Variants in PTPRG observed in about 807,000 individuals in gnomAD.
PTPRG encodes the protein receptor-type tyrosine-protein phosphatase gamma.
PTPRG carries 102 observed loss-of-function variants against 165.3 expected under a neutral mutation model. The ratio of observed to expected loss-of-function variants is 0.62; its 90% CI spans 0.53 to 0.73. The LOEUF is 0.73. Among genes scored for constraint, PTPRG ranks in the 30% least tolerant of loss-of-function variants. The probability of loss-of-function intolerance (pLI) is 0.00; values close to 1 mark genes in which losing one functional copy is unlikely to be tolerated. For missense variants in PTPRG, 1,866 were observed against 1,861.4 expected (o/e 1.00, Z -0.05); for synonymous variants, 675 against 669.5 (o/e 1.01, Z -0.13).
intron 5 of PTPRG, among the ~76,000 whole-genome samples, chr3:62,081,467 C>A (rs886560): frequency 6.6e-6 from 1 of 151,544 alleles, no homozygotes. Context: ...CAACAGCCTC[C>A]TGAGTAGCCG....
At chr3:62,000,609 T>C (rs916055720) in intron 3 of PTPRG, among the ~76,000 whole-genome samples, 1 of 152,204 alleles carries the variant, frequency 6.6e-6, no homozygotes, top group Non-Finnish European at 1.5e-5. Flanking sequence ...CAGAGGTAGA[T>C]GCCATCTCAA....
At chr3:62,000,569 C>A (rs59213435) in intron 3 of PTPRG, among the ~76,000 whole-genome samples, 1 of 152,112 alleles carries the variant, frequency 6.6e-6, no homozygotes, top group African/African-American at 2.4e-5. Flanking sequence ...TCTTGAGAAG[C>A]CTTCTCACTT....
At chr3:61,990,764 T>C (rs2040865912) in intron 3 of PTPRG, among the ~76,000 whole-genome samples, 2 of 152,186 alleles carry the variant, frequency 1.3e-5, no homozygotes, top group South Asian at 2.1e-4. Context: ...GAACCCTTTG[T>C]AACCAAGGAT....
chr3:61,796,017 A>G (rs537728644), intron 2 of PTPRG, among the ~76,000 whole-genome samples: 4 of 152,296 alleles, frequency 2.6e-5, no homozygotes, highest in African/African-American at 9.6e-5. Flanking sequence ...GCAGGGAGAA[A>G]TTTGTAGCTC....
At chr3:61,967,252 G>T (rs2040291633) in intron 2 of PTPRG, among the ~76,000 whole-genome samples, 1 of 152,126 alleles carries the variant, frequency 6.6e-6, no homozygotes, top group African/African-American at 2.4e-5. Context: ...TGGGAGATGG[G>T]TCTGTCAGTG....
At chr3:62,282,669 T>TAGATTGTAGATATGTGAA (rs1702498192) in intron 27 of PTPRG, 58 bp from the exon 28 acceptor site, 1 of 1,528,404 alleles carries the variant, frequency 6.5e-7, no homozygotes, top group Non-Finnish European at 8.8e-7. Flanking sequence ...TTCTAGTCAT[T>TAGATTGTAGATATGTGAA]AGATTGTAGA....
At position 62,026,714 on chromosome 3, in the gene PTPRG, G is replaced by A. The variant is rs539775815; in HGVS notation, c.519+23217G>A. Reference sequence around the variant, plus strand: ...ATCCTGGCTAACACGGTGAAACCCCGTCCCTACTAAAAATACAGAAAATTA... The same window carrying A: ...ATCCTGGCTAACACGGTGAAACCCCATCCCTACTAAAAATACAGAAAATTA... On this transcript the variant is annotated intron_variant, in intron 4 of 29. Coordinates refer to ENST00000474889, the MANE Select transcript of PTPRG (RefSeq NM_002841.4). Among the ~76,000 whole-genome samples the A allele has an allele frequency of 1.8e-4, 27 of 151,860 alleles. No homozygotes were observed. The South Asian group carries it at 5.2e-3, about 29-fold the overall frequency.
At chr3:61,669,159 G>T (rs1339688371) in intron 1 of PTPRG, among the ~76,000 whole-genome samples, 1 of 152,174 alleles carries the variant, frequency 6.6e-6, no homozygotes. Context: ...TTTGATTTTT[G>T]CTTGAGAGTG....
intron 10 of PTPRG, among the ~76,000 whole-genome samples, chr3:62,200,504 CATG>C (rs1357927954): frequency 6.6e-6 from 1 of 151,996 alleles, no homozygotes; most frequent in African/African-American, 2.4e-5. Context: ...CTCCTGACCT[CATG>C]ATCCACCTGC....
chr3:61,899,626 C>T (rs894485387), intron 2 of PTPRG, among the ~76,000 whole-genome samples: 6 of 152,172 alleles, frequency 3.9e-5, no homozygotes, highest in East Asian at 1.9e-4. Context: ...AGGAATGGGT[C>T]CCAAACCACA....
rs1227717081 is a variant in PTPRG at position 62,218,904 on chromosome 3, T to C, written c.2209T>C (p.Trp737Arg). Residue 737 changes from tryptophan to arginine, a missense_variant, in exon 13 of 30, where the codon TGG (tryptophan) becomes CGG (arginine). Coordinates refer to ENST00000474889, the MANE Select transcript of PTPRG (RefSeq NM_002841.4). The part of the protein sequence containing the change: ...ISRPAPGRME[W>R]IIPLIVVSAL... ...CCGCCCTGCTCCAGGGAGGATGGAG[T>C]GGATCATCCCTCTGATTGTGGTATC... 2 of 1,613,814 alleles carry C rather than the reference T, an allele frequency of 1.2e-6. No individual in the cohort carries two copies. Among genetic ancestry groups the C allele is most frequent in the South Asian group, 2.2e-5 (2 of 91,050 alleles).
chr3:62,067,704 G>C (rs778763714), intron 4 of PTPRG, among the ~76,000 whole-genome samples: 2 of 152,094 alleles, frequency 1.3e-5, no homozygotes, highest in African/African-American at 4.8e-5. Flanking sequence ...TGCATGCGCA[G>C]TTCATAATAG....
At chr3:61,900,038 A>T (rs181723271) in intron 2 of PTPRG, among the ~76,000 whole-genome samples, 7 of 152,182 alleles carry the variant, frequency 4.6e-5, no homozygotes, top group East Asian at 1.9e-4. Context: ...TCTGTTTTTT[A>T]AAAAATGTAA....
chr3:62,018,512 C>G (rs2041606106), intron 4 of PTPRG, among the ~76,000 whole-genome samples: 1 of 152,182 alleles, frequency 6.6e-6, no homozygotes, highest in East Asian at 1.9e-4. Context: ...GTTGGCCAAT[C>G]CTCTAAATGA....
chr3:62,186,553 A>AT (rs957687366), intron 8 of PTPRG, among the ~76,000 whole-genome samples: 6 of 114,880 alleles, frequency 5.2e-5, no homozygotes, highest in Admixed American at 4.9e-4. Flanking sequence ...TTGAAGCTGG[A>AT]TTTTTTTCTT....
At chr3:61,716,584 G>T (rs2031817915) in intron 1 of PTPRG, among the ~76,000 whole-genome samples, 1 of 152,000 alleles carries the variant, frequency 6.6e-6, no homozygotes, top group African/African-American at 2.4e-5. Context: ...TTTTCTTATT[G>T]TTGGGTTATG....
intron 2 of PTPRG, among the ~76,000 whole-genome samples, chr3:61,976,364 C>T (rs2040506353): frequency 6.6e-6 from 1 of 152,142 alleles, no homozygotes; most frequent in African/African-American, 2.4e-5. Flanking sequence ...AATTGGATGA[C>T]AGTCAGGATC....
chr3:61,949,729 G>GTT (rs200304116), intron 2 of PTPRG, among the ~76,000 whole-genome samples: 4 of 143,544 alleles, frequency 2.8e-5, no homozygotes, highest in Non-Finnish European at 1.5e-5. Context: ...TGGATTCTTT[G>GTT]TTTTTTTTTT....
chr3:61,958,136 CT>C (rs978332648), intron 2 of PTPRG, among the ~76,000 whole-genome samples: 1 of 150,382 alleles, frequency 6.6e-6, no homozygotes, highest in Admixed American at 6.6e-5. Context: ...TTCTTTTTTC[CT>C]TTTTTTTGAG....
Sources: allele counts gnomAD v4.1 joint callset (sites outside exome capture counted in the v4.1 genomes callset), GRCh38; gene constraint gnomAD v4.1.1; transcripts MANE v1.5; gene names NCBI Gene and HGNC (gene_info 2026-07-23, HGNC 2026-07-21).